Variants in KIF21A observed in about 807,000 individuals in gnomAD.
KIF21A encodes kinesin-like protein KIF21A.
A neutral mutation model predicts 202.9 loss-of-function variants in KIF21A; 114 were observed. The observed-to-expected ratio is 0.56, with a 90% CI of 0.48 to 0.66. KIF21A has a LOEUF of 0.66. KIF21A is among the 30% of genes least tolerant of loss of function. The pLI, the probability that KIF21A is intolerant of heterozygous loss-of-function variation, is 0.00. For missense variants in KIF21A, 1,677 were observed against 1,994.9 expected, an observed-to-expected ratio of 0.84 and a Z score of 3.04; for synonymous variants, 667 against 670.8, an observed-to-expected ratio of 0.99 and a Z score of 0.09.
At chr12:39,319,542 T>C (rs1944970281) in intron 28 of KIF21A, among the ~76,000 whole-genome samples, 1 of 152,206 alleles carries the variant, frequency 6.6e-6, no homozygotes, top group Non-Finnish European at 1.5e-5. Flanking sequence ...TTAGCTAACA[T>C]GGCAATGACG....
intron 25 of KIF21A, 28 bp from the exon 26 acceptor site, chr12:39,325,921 A>C (rs1459105392): frequency 6.4e-7 from 1 of 1,569,806 alleles, no homozygotes; most frequent in Non-Finnish European, 8.8e-7. Context: ...ATTAAGCACA[A>C]GATTAAATAG....
chr12:39,425,048 C>T (rs1185460299), intron 1 of KIF21A, among the ~76,000 whole-genome samples: 1 of 152,038 alleles, frequency 6.6e-6, no homozygotes, highest in East Asian at 1.9e-4. Context: ...CTCACCTGTC[C>T]ACTAACAGGC....
chr12:39,405,349 T>A (rs1267000858), intron 1 of KIF21A, among the ~76,000 whole-genome samples: 1 of 151,864 alleles, frequency 6.6e-6, no homozygotes, highest in Non-Finnish European at 1.5e-5. Context: ...CAAAACTCCA[T>A]CAAAAAAACA....
chr12:39,323,032 A>G (rs1057178701), intron 26 of KIF21A, 150 bp from the exon 27 acceptor site: 2 of 602,632 alleles, frequency 3.3e-6, no homozygotes, highest in Non-Finnish European at 5.6e-6. Context: ...AGATAGTGAC[A>G]AGCCAGAGCT....
At chr12:39,411,066 C>G (rs1047476842) in intron 1 of KIF21A, among the ~76,000 whole-genome samples, 1 of 152,234 alleles carries the variant, frequency 6.6e-6, no homozygotes, top group Non-Finnish European at 1.5e-5. Flanking sequence ...CTAACTTAAA[C>G]CTTGCCTTTG....
chr12:39,396,962 A>C (rs1342122859), intron 1 of KIF21A, among the ~76,000 whole-genome samples: 1 of 149,526 alleles, frequency 6.7e-6, no homozygotes, highest in East Asian at 1.9e-4. Flanking sequence ...TCAAAAGACT[A>C]AATAAATAGT....
chr12:39,395,673 C>T (rs1027972353), intron 1 of KIF21A, among the ~76,000 whole-genome samples: 1 of 151,836 alleles, frequency 6.6e-6, no homozygotes, highest in Non-Finnish European at 1.5e-5. Flanking sequence ...GAAACCCGAT[C>T]TCTACTAAAA....
chr12:39,440,885 C>T (rs1307638117), intron 1 of KIF21A, among the ~76,000 whole-genome samples: 1 of 152,034 alleles, frequency 6.6e-6, no homozygotes, highest in Non-Finnish European at 1.5e-5. Flanking sequence ...CAGTGTGGCA[C>T]ATGCCTGTGA....
intron 10 of KIF21A, among the ~76,000 whole-genome samples, chr12:39,355,593 G>T (rs1948707796): frequency 6.6e-6 from 1 of 151,402 alleles, no homozygotes; most frequent in Non-Finnish European, 1.5e-5. Context: ...TTAGCAGTAG[G>T]CAGGGAACAG....
chr12:39,326,284 G>A lies in KIF21A; in HGVS notation c.3381C>T (p.Asn1127=), dbSNP rs1216599101. The change falls in exon 25 of 38, where the codon AAC becomes AAT. Residue 1127 remains asparagine, a synonymous_variant. Coordinates refer to ENST00000361418, the MANE Select transcript of KIF21A (RefSeq NM_001173464.2). ...EDSTDEDAPL[N]SPGSEGSTLS... is the part of the protein sequence containing the mutation. ...CTTACCTTCCTTCTGATCCTGGGCTGTTTAAAGGAGCATCCTCATCAGTAC... is the reference window on the plus strand; with the variant it reads ...CTTACCTTCCTTCTGATCCTGGGCTATTTAAAGGAGCATCCTCATCAGTAC... The A allele has an allele frequency of 1.2e-6, 2 of 1,611,850 alleles. No individual in the cohort carries two copies. The highest frequency in any genetic ancestry group is 2.2e-5 in the East Asian group (1 of 44,770).
chr12:39,341,613 G>A lies in KIF21A; in HGVS notation c.1813C>T (p.Gln605Ter). Reference sequence around the variant, plus strand: ...TCATCCTCATGATCACTCACTTCTTGACTTTCTTCCTAAAATGTGATTTGT... The same window carrying A: ...TCATCCTCATGATCACTCACTTCTTAACTTTCTTCCTAAAATGTGATTTGT... The part of the protein sequence containing the change: ...ENNELEVEES[Q>*]EVSDHEDEEE... Residue 605 changes from glutamine (Q) to a stop codon, truncating the protein, a stop_gained, in exon 14 of 38, where the codon CAA becomes TAA. Coordinates refer to ENST00000361418, the MANE Select transcript of KIF21A (RefSeq NM_001173464.2). LOFTEE classifies it high-confidence loss of function. 1 of 1,607,376 alleles carries A rather than the reference G, an allele frequency of 6.2e-7. No individual in the cohort carries two copies. The highest frequency in any genetic ancestry group is 8.5e-7 in the Non-Finnish European group (1 of 1,176,868).
chr12:39,404,785 T>C (rs1952451291), intron 1 of KIF21A, among the ~76,000 whole-genome samples: 1 of 152,170 alleles, frequency 6.6e-6, no homozygotes, highest in African/African-American at 2.4e-5. Context: ...ATAAATACTA[T>C]ATCAAGAAAA....
chr12:39,363,238 G>T, intron 6 of KIF21A, 25 bp from the exon 7 acceptor site: 1 of 1,365,170 alleles, frequency 7.3e-7, no homozygotes, highest in Non-Finnish European at 1.0e-6. Context: ...AAGAAAGACA[G>T]CAAAATGATA....
At chr12:39,326,143 G>A in intron 25 of KIF21A, 121 bp downstream of exon 25, 1 of 796,514 alleles carries the variant, frequency 1.3e-6, no homozygotes, top group Non-Finnish European at 2.2e-6. Context: ...GTTTCTAAGT[G>A]CTATTCACTA....
At position 39,315,214 on chromosome 12, in the gene KIF21A, C is replaced by T. The variant is rs754486239; in HGVS notation, c.3959+15G>A. 6.2e-7 allele frequency: 1 copy of T among 1,610,982 alleles called. No individual in the cohort carries two copies. The highest frequency in any genetic ancestry group is 8.5e-7 in the Non-Finnish European group (1 of 1,177,760). ...CTGGAAATGAAATTAATTTCCTCTC[C>T]CTTCCCCTGCCTACCTTCTGGAGGA... On this transcript the variant is annotated intron_variant, in intron 31 of 37. Coordinates refer to ENST00000361418, the MANE Select transcript of KIF21A (RefSeq NM_001173464.2).
intron 1 of KIF21A, among the ~76,000 whole-genome samples, chr12:39,438,921 G>C (rs917207760): frequency 2.6e-5 from 4 of 152,110 alleles, no homozygotes; most frequent in African/African-American, 4.8e-5. Flanking sequence ...GTTCAATTCA[G>C]TATACTTAGA....
chr12:39,387,207 C>A (rs1487315221), intron 1 of KIF21A, among the ~76,000 whole-genome samples: 1 of 148,650 alleles, frequency 6.7e-6, no homozygotes, highest in African/African-American at 2.5e-5. Flanking sequence ...CACACACAAG[C>A]TTGGACTGTA....
Position 39,333,024 on chromosome 12 carries a change from T to G in KIF21A, c.2571A>C (p.Ala857=), listed in dbSNP as rs1946641325. The G allele has an allele frequency of 6.2e-7, 1 of 1,613,974 alleles. No homozygotes were observed. Among genetic ancestry groups the G allele is most frequent in the African/African-American group, 1.3e-5 (1 of 74,920 alleles). The change falls in exon 19 of 38, where the codon GCA becomes GCC. Residue 857 remains alanine (A), a synonymous_variant. Coordinates refer to ENST00000361418, the MANE Select transcript of KIF21A (RefSeq NM_001173464.2). ...CACTGGAACCTGTGTCCTGAGCAGG[T>G]GCATCAGATGAACTCAGCTTCCGAG... The part of the protein sequence containing the change: ...KVTRKLSSSD[A]PAQDTGSSAA...
At chr12:39,324,556 C>A (rs1468442146) in intron 26 of KIF21A, among the ~76,000 whole-genome samples, 2 of 152,190 alleles carry the variant, frequency 1.3e-5, no homozygotes, top group Non-Finnish European at 2.9e-5. Context: ...GTGTAAGAGC[C>A]TGGAGATGTT....
Sources: gnomAD v4.1 joint callset for allele counts (sites outside exome capture counted in the v4.1 genomes callset) on GRCh38, gnomAD v4.1.1 for gene constraint, MANE v1.5 for transcripts, NCBI Gene and HGNC (gene_info 2026-07-23, HGNC 2026-07-21) for gene names.